SLC22A2: variants seen among roughly 807,000 people sequenced by gnomAD.
SLC22A2 encodes the protein organic cation transporter 2.
SLC22A2 carries 46 observed loss-of-function variants against 60.5 expected under a neutral mutation model. The ratio of observed to expected loss-of-function variants is 0.76; its 90% CI spans 0.60 to 0.97. The LOEUF (loss-of-function observed/expected upper bound fraction) is 0.97, where lower values mean the gene tolerates loss of function less well. SLC22A2 is among the 50% of genes least tolerant of loss of function. SLC22A2 has a pLI of 0.00. For missense variants in SLC22A2, 701 were observed against 706.6 expected (o/e 0.99, Z 0.09); for synonymous variants, 303 against 267.0 (o/e 1.13, Z -1.31).
intron 4 of SLC22A2, 139 bp downstream of exon 4, chr6:160,249,077 G>A: frequency 1.9e-6 from 1 of 539,454 alleles, no homozygotes; most frequent in Non-Finnish European, 3.2e-6. Flanking sequence ...CTGAAACATG[G>A]AATTGGGCTC....
intron 1 of SLC22A2, among the ~76,000 whole-genome samples, chr6:160,256,918 T>G (rs1313071161): frequency 1.4e-5 from 2 of 144,926 alleles, no homozygotes; most frequent in Admixed American, 6.9e-5. Context: ...TTTTTTTTTT[T>G]GTGAGACAGG....
Position 160,243,790 on chromosome 6 carries a change from A to C in SLC22A2, c.1065-4T>G. On this transcript the variant is annotated splice_region_variant and splice_polypyrimidine_tract_variant and intron_variant, in intron 6 of 10. Transcript: ENST00000366953. ...GTAGAGCACAGAGCTCGTGAACCTG[A>C]GCAAAGAGGAGAGTTCAGGTCAAGT... 1 of 1,609,064 alleles carries C rather than the reference A, an allele frequency of 6.2e-7. No homozygotes were observed. Among genetic ancestry groups the C allele is most frequent in the Admixed American group, 1.7e-5 (1 of 60,006 alleles).
At chr6:160,219,374 GCAA>G (rs1782607615) in intron 10 of SLC22A2, among the ~76,000 whole-genome samples, 1 of 149,294 alleles carries the variant, frequency 6.7e-6, no homozygotes, top group African/African-American at 2.5e-5. Flanking sequence ...AATAGCAGCA[GCAA>G]CAACAGCAGC....
rs539504747 is a variant in SLC22A2 at position 160,224,818 on chromosome 6, A to G, written c.1502-14T>C. ...AGCCAAGCACGCCTGAAAGCCAAAC[A>G]GATGAATATCACATTAAGAACTGAA... On this transcript the variant is annotated splice_polypyrimidine_tract_variant and intron_variant, in intron 9 of 10. Coordinates refer to ENST00000366953, the MANE Select transcript of SLC22A2 (RefSeq NM_003058.4). 9 of 1,468,880 alleles carry G rather than the reference A, an allele frequency of 6.1e-6. No individual in the cohort carries two copies. The African/African-American group carries it at 9.7e-5, about 16-fold the overall frequency. The allele number at this position is 1,468,880 out of a possible 1,614,324, so 91.0% of individuals were successfully genotyped here.
chr6:160,247,345 A>T (rs761542786), intron 4 of SLC22A2, 47 bp from the exon 5 acceptor site: 36 of 959,160 alleles, frequency 3.8e-5, no homozygotes, highest in Non-Finnish European at 5.9e-5. Context: ...AATCCTCCTT[A>T]CCCCATCCCC....
intron 9 of SLC22A2, among the ~76,000 whole-genome samples, chr6:160,229,855 C>T (rs776961977): frequency 9.9e-5 from 15 of 151,840 alleles, no homozygotes; most frequent in Non-Finnish European, 1.9e-4. Context: ...ACAAACTCGA[C>T]AGTGGTTCCA....
intron 5 of SLC22A2, among the ~76,000 whole-genome samples, chr6:160,246,244 A>G (rs1015636480): frequency 6.6e-6 from 1 of 151,656 alleles, no homozygotes; most frequent in East Asian, 2.0e-4. Context: ...CAGATGATCT[A>G]CCTGCCTCTA....
intron 9 of SLC22A2, among the ~76,000 whole-genome samples, chr6:160,231,196 G>T (rs932550612): frequency 6.6e-6 from 1 of 151,782 alleles, no homozygotes; most frequent in Admixed American, 6.6e-5. Flanking sequence ...TGCCAACTTG[G>T]ACAACATTCT....
chr6:160,235,804 A>G (rs1782901292), intron 9 of SLC22A2, among the ~76,000 whole-genome samples: 1 of 152,100 alleles, frequency 6.6e-6, no homozygotes, highest in South Asian at 2.1e-4. Context: ...AAGGTTTAAC[A>G]TTAATAGTAC....
At chr6:160,247,803 A>C (rs1167111548) in intron 4 of SLC22A2, among the ~76,000 whole-genome samples, 2 of 152,210 alleles carry the variant, frequency 1.3e-5, no homozygotes, top group Admixed American at 1.3e-4. Context: ...GTTTTTGAGC[A>C]AGACTAGAAC....
rs568402987 is a variant in SLC22A2 at position 160,232,757 on chromosome 6, A to G, written c.1502-7953T>C. 1.6e-3 allele frequency among the ~76,000 whole-genome samples: 236 copies of G among 151,988 alleles called. 3 individuals are homozygous for G. Among genetic ancestry groups the G allele is most frequent in the African/African-American group, 5.4e-3 (224 of 41,284 alleles). On this transcript the variant is annotated intron_variant, in intron 9 of 10. Transcript: ENST00000366953. The stretch of plus-strand genomic sequence containing the variant: ...ACTCAGGACAATGCTTATGCTGATA[A>G]GGTAGCTAAAAAAGCAGCTAGCATT...
intron 10 of SLC22A2, among the ~76,000 whole-genome samples, chr6:160,224,209 T>C (rs1432162053): frequency 1.3e-5 from 2 of 152,146 alleles, no homozygotes; most frequent in African/African-American, 2.4e-5. Flanking sequence ...CTTCTCTTAC[T>C]ATGAAGGAAG....
At chr6:160,219,132 CAGTACG>C (rs1782600441) in intron 10 of SLC22A2, among the ~76,000 whole-genome samples, 1 of 152,258 alleles carries the variant, frequency 6.6e-6, no homozygotes. Context: ...GCAACAACAG[CAGTACG>C]AACACCAGCA....
chr6:160,241,428 T>C (rs1782998854), intron 9 of SLC22A2, 46 bp downstream of exon 9: 2 of 1,268,384 alleles, frequency 1.6e-6, no homozygotes, highest in African/African-American at 1.5e-5. Flanking sequence ...TGAAGGTCTC[T>C]AGAAAAATAA....
At chr6:160,229,857 G>GA (rs1186647998) in intron 9 of SLC22A2, among the ~76,000 whole-genome samples, 16 of 151,916 alleles carry the variant, frequency 1.1e-4, no homozygotes, top group Non-Finnish European at 2.2e-4. Context: ...AAACTCGACA[G>GA]TGGTTCCAAA....
chr6:160,231,466 T>A (rs1782822952), intron 9 of SLC22A2, among the ~76,000 whole-genome samples: 4 of 151,788 alleles, frequency 2.6e-5, no homozygotes, highest in Admixed American at 2.6e-4. Context: ...TAATCACCCT[T>A]ACCCTACTCA....
intron 9 of SLC22A2, among the ~76,000 whole-genome samples, chr6:160,231,543 G>A (rs906934400): frequency 3.3e-5 from 5 of 151,840 alleles, no homozygotes; most frequent in African/African-American, 1.2e-4. Context: ...ACCTGCTACA[G>A]CATGGGCTTC....
chr6:160,237,775 G>A (rs1367503846), intron 9 of SLC22A2, among the ~76,000 whole-genome samples: 27 of 152,176 alleles, frequency 1.8e-4, no homozygotes, highest in Admixed American at 1.8e-3. Flanking sequence ...TAAGTCACAG[G>A]ATGAGATAGG....
intron 9 of SLC22A2, among the ~76,000 whole-genome samples, chr6:160,226,784 GATTGA>G (rs1782731820): frequency 6.6e-6 from 1 of 152,054 alleles, no homozygotes; most frequent in South Asian, 2.1e-4. Flanking sequence ...ATCCCCAACT[GATTGA>G]ATTGAACTGA....
Sources: allele counts gnomAD v4.1 joint callset (sites outside exome capture counted in the v4.1 genomes callset), GRCh38; gene constraint gnomAD v4.1.1; transcripts MANE v1.5; gene names NCBI Gene and HGNC (gene_info 2026-07-23, HGNC 2026-07-21).